Variants in NAALADL2 observed in about 807,000 individuals in gnomAD.
NAALADL2 encodes N-acetylated alpha-linked acidic dipeptidase like 2, also known as inactive N-acetylated-alpha-linked acidic dipeptidase-like protein 2.
Under a neutral mutation model 87.2 loss-of-function variants are expected in NAALADL2, and 76 were observed. The observed-to-expected ratio is 0.87, with a 90% confidence interval of 0.72 to 1.05. The LOEUF (loss-of-function observed/expected upper bound fraction) is 1.05. Ranked by LOEUF, NAALADL2 falls within the 50% of genes least tolerant of loss-of-function variation. The probability of loss-of-function intolerance (pLI) is 0.00; values close to 1 mark genes in which losing one functional copy is unlikely to be tolerated. For synonymous variants in NAALADL2, 354 were observed against 331.0 expected, an observed-to-expected ratio of 1.07 and a Z score of -0.75; for missense variants, 1,089 against 945.8, an observed-to-expected ratio of 1.15 and a Z score of -1.99.
rs538276732 is a variant in NAALADL2 at position 175,745,446 on chromosome 3, A to G, written c.1990+8047A>G. 2.2e-4 allele frequency among the ~76,000 whole-genome samples: 34 copies of G among 152,312 alleles called. 2 individuals carry two copies. In the South Asian group the frequency reaches 7.0e-3, roughly 32 times the overall value. On this transcript the variant is annotated intron_variant, in intron 12 of 13. Coordinates refer to ENST00000454872, the MANE Select transcript of NAALADL2 (RefSeq NM_207015.3). ...GGAACTCTCTCAAATACCAAAATCC[A>G]TGAATGTTCAAGTTCTTCATATAAA...
chr3:175,555,721 ATC>A (rs1388791226), intron 9 of NAALADL2, among the ~76,000 whole-genome samples: 3 of 152,204 alleles, frequency 2.0e-5, no homozygotes, highest in Non-Finnish European at 4.4e-5. Context: ...TAACATAAAT[ATC>A]TCTGATTATT....
At chr3:174,823,445 C>T (rs1254812697) in intron 3 of NAALADL2, among the ~76,000 whole-genome samples, 1 of 152,060 alleles carries the variant, frequency 6.6e-6, no homozygotes, top group East Asian at 1.9e-4. Flanking sequence ...TTACAAAAGA[C>T]CACTGGACCC....
Position 174,765,143 on chromosome 3 carries a change from CGAGA to C in NAALADL2, c.-9+27422_-9+27425del, listed in dbSNP as rs71634279. ...ACACATACACACACACACACACACA[CGAGA>C]GAGAGAGAGAGAGAGAGAGAGAGAC... On this transcript the variant is annotated intron_variant, in intron 3 of 3. Transcript: ENST00000434257. Among the ~76,000 whole-genome samples, 1,188 of 124,588 alleles carry C rather than the reference CGAGA, an allele frequency of 9.5e-3. 4 individuals are homozygous for C. The highest frequency in any genetic ancestry group is 0.03 in the African/African-American group (883 of 29,684). 81.7% of individuals were successfully genotyped at this position (124,588 alleles called of 152,430 possible). A position where few individuals can be genotyped will look rare whatever the true frequency, so the allele number is the denominator to read the frequency against.
At chr3:175,104,390 A>G (rs1321046391) in intron 2 of NAALADL2, among the ~76,000 whole-genome samples, 9 of 151,988 alleles carry the variant, frequency 5.9e-5, no homozygotes, top group African/African-American at 1.9e-4. Context: ...ACAAGAATAT[A>G]TTTTTCACTG....
chr3:175,569,654 A>G (rs917697803), intron 9 of NAALADL2, among the ~76,000 whole-genome samples: 3 of 152,048 alleles, frequency 2.0e-5, no homozygotes, highest in Admixed American at 6.6e-5. Flanking sequence ...TCATCACGTA[A>G]GGATACCACG....
At chr3:175,754,773 A>G (rs1747041130) in intron 12 of NAALADL2, among the ~76,000 whole-genome samples, 1 of 152,122 alleles carries the variant, frequency 6.6e-6, no homozygotes, top group Admixed American at 6.6e-5. Flanking sequence ...CAATTTTCTG[A>G]CCTTACTTAG....
At chr3:175,342,639 A>G (rs1762683639) in intron 5 of NAALADL2, among the ~76,000 whole-genome samples, 1 of 152,112 alleles carries the variant, frequency 6.6e-6, no homozygotes, top group Non-Finnish European at 1.5e-5. Context: ...ATGTTCAAAC[A>G]AACTGTAATA....
Position 175,490,303 on chromosome 3 carries a change from T to G in NAALADL2, c.1653+18545T>G, listed in dbSNP as rs983146438. On this transcript the variant is annotated intron_variant, in intron 9 of 13. Transcript: ENST00000454872. ...TTCTTGCCCACTTTAGAGTTTCTAT[T>G]AAGAAAGTAATGAATTCTCTTTATT... Among the ~76,000 whole-genome samples the G allele has an allele frequency of 5.3e-4, 81 of 152,196 alleles. 1 individual carries two copies. Among genetic ancestry groups the G allele is most frequent in the Admixed American group, 5.3e-3 (81 of 15,270 alleles).
chr3:175,292,881 C>T (rs892366879), intron 4 of NAALADL2, among the ~76,000 whole-genome samples: 124 of 151,432 alleles, frequency 8.2e-4, no homozygotes, highest in Non-Finnish European at 9.0e-4. Context: ...ACTAAAAATA[C>T]AAAAAATAAG....
chr3:175,498,975 T>C (rs1729181153), intron 9 of NAALADL2, among the ~76,000 whole-genome samples: 1 of 152,158 alleles, frequency 6.6e-6, no homozygotes, highest in African/African-American at 2.4e-5. Flanking sequence ...TCAGTTATTA[T>C]ACTACTTAAA....
intron 2 of NAALADL2, among the ~76,000 whole-genome samples, chr3:174,663,286 T>C (rs1350410685): frequency 6.6e-6 from 1 of 151,990 alleles, no homozygotes; most frequent in Non-Finnish European, 1.5e-5. Context: ...TAGATATGAG[T>C]GTTTAAAGAT....
intron 12 of NAALADL2, among the ~76,000 whole-genome samples, chr3:175,754,965 G>A (rs1223206083): frequency 6.6e-6 from 1 of 152,026 alleles, no homozygotes; most frequent in Non-Finnish European, 1.5e-5. Context: ...AATGCTTTGG[G>A]CAAAATAAAT....
intron 9 of NAALADL2, among the ~76,000 whole-genome samples, chr3:175,508,742 G>A (rs1017927213): frequency 2.0e-5 from 3 of 151,884 alleles, no homozygotes; most frequent in Non-Finnish European, 2.9e-5. Context: ...TTACATTATT[G>A]AAATAATATT....
At chr3:174,647,984 A>G (rs1003175689) in intron 2 of NAALADL2, among the ~76,000 whole-genome samples, 3 of 152,188 alleles carry the variant, frequency 2.0e-5, no homozygotes, top group African/African-American at 4.8e-5. Context: ...TATGCAAACT[A>G]TAGTCCTGTT....
At chr3:175,200,348 A>G (rs1336944184) in intron 2 of NAALADL2, among the ~76,000 whole-genome samples, 2 of 152,096 alleles carry the variant, frequency 1.3e-5, no homozygotes, top group African/African-American at 4.8e-5. Context: ...CACTAGGTTA[A>G]CTAATTTCTC....
intron 11 of NAALADL2, among the ~76,000 whole-genome samples, chr3:175,721,106 G>A (rs1341952300): frequency 6.6e-6 from 1 of 152,016 alleles, no homozygotes; most frequent in Non-Finnish European, 1.5e-5. Flanking sequence ...GCTTTAATGA[G>A]GTGTGAGCAT....
At chr3:175,170,242 C>T (rs1734599193) in intron 2 of NAALADL2, among the ~76,000 whole-genome samples, 1 of 151,276 alleles carries the variant, frequency 6.6e-6, no homozygotes, top group South Asian at 2.1e-4. Context: ...TTCTTTATTT[C>T]TGCTTCATTA....
At chr3:174,781,732 T>G (rs1415247691) in intron 3 of NAALADL2, among the ~76,000 whole-genome samples, 1 of 151,970 alleles carries the variant, frequency 6.6e-6, no homozygotes, top group African/African-American at 2.4e-5. Flanking sequence ...AAATGTTTCA[T>G]GTGTTCAGGA....
chr3:174,777,982 C>A (rs1180341032), intron 3 of NAALADL2, among the ~76,000 whole-genome samples: 2 of 152,056 alleles, frequency 1.3e-5, no homozygotes, highest in Admixed American at 6.6e-5. Context: ...ATATGCATAT[C>A]TTTTAGGGAT....
Sources: allele counts gnomAD v4.1 joint callset (sites outside exome capture counted in the v4.1 genomes callset), GRCh38; gene constraint gnomAD v4.1.1; transcripts MANE v1.5; gene names NCBI Gene and HGNC (gene_info 2026-07-23, HGNC 2026-07-21).